SCFD2: variants seen among roughly 807,000 people sequenced by gnomAD.
SCFD2 encodes the protein sec1 family domain containing 2, also known as sec1 family domain-containing protein 2.
A neutral mutation model predicts 58.9 loss-of-function variants in SCFD2; 54 were observed. The observed-to-expected ratio is 0.92, with a 90% CI of 0.74 to 1.15. The LOEUF is 1.15. Ranked by LOEUF, SCFD2 falls within the 50% of genes most tolerant of loss-of-function variation. The probability of loss-of-function intolerance (pLI) is 0.00; values close to 1 mark genes in which losing one functional copy is unlikely to be tolerated. For missense variants in SCFD2, 805 were observed against 836.6 expected (o/e 0.96, Z 0.47); for synonymous variants, 321 against 335.9 (o/e 0.96, Z 0.49).
Position 53,101,087 on chromosome 4 carries a change from G to A in SCFD2, c.1561+44246C>T, listed in dbSNP as rs141067583. Among the ~76,000 whole-genome samples the A allele has an allele frequency of 1.4e-4, 21 of 152,212 alleles. 2 individuals carry two copies. The highest frequency in any genetic ancestry group is 4.6e-4 in the African/African-American group (19 of 41,520). ...GAAGCACTGCAGCTTCCATGGACAGGGAAGAAACTACCAATACTTTCTGTA... is the reference window on the plus strand; with the variant it reads ...GAAGCACTGCAGCTTCCATGGACAGAGAAGAAACTACCAATACTTTCTGTA... On this transcript the variant is annotated intron_variant, in intron 5 of 8. Coordinates refer to ENST00000401642, the MANE Select transcript of SCFD2 (RefSeq NM_152540.4).
rs140719024 is a variant in SCFD2, at chr4:53,213,069, C to T, written c.1311+60757G>A. 3.1e-4 allele frequency among the ~76,000 whole-genome samples: 47 copies of T among 152,086 alleles called. No individual in the cohort carries two copies. In the East Asian group the frequency reaches 4.1e-3, roughly 13 times the overall value. On this transcript the variant is annotated intron_variant, in intron 4 of 8. Coordinates refer to ENST00000401642, the MANE Select transcript of SCFD2 (RefSeq NM_152540.4). The stretch of plus-strand genomic sequence containing the variant: ...TAATGATAAATGAAGTGTGTGTAAA[C>T]GCATCTGGTACACACAAACAATTTC...
chr4:53,023,490 T>C (rs1407340132), intron 5 of SCFD2, among the ~76,000 whole-genome samples: 3 of 152,100 alleles, frequency 2.0e-5, no homozygotes, highest in Non-Finnish European at 4.4e-5. Flanking sequence ...GGTGGGCAGA[T>C]TGCTGTGATA....
rs566550957 is a variant in SCFD2 at position 52,955,608 on chromosome 4, C to T, written c.1562-34738G>A. Among the ~76,000 whole-genome samples, 4 of 152,258 alleles carry T rather than the reference C, an allele frequency of 2.6e-5. No homozygotes were observed. In the South Asian group the frequency reaches 6.2e-4, roughly 24 times the overall value. ...TAAGTAACAGATCTAGAAGTCCAAC[C>T]AAGCAGTTGAACACCAGAGCCTCTG... On this transcript the variant is annotated intron_variant, in intron 5 of 8. Transcript: ENST00000401642.
chr4:53,228,571 C>A (rs148576135), intron 4 of SCFD2, among the ~76,000 whole-genome samples: 3 of 152,230 alleles, frequency 2.0e-5, no homozygotes, highest in African/African-American at 7.2e-5. Context: ...AATTCAACAA[C>A]ACTTCATGCT....
chr4:53,122,123 T>C (rs1230528610), intron 5 of SCFD2, among the ~76,000 whole-genome samples: 1 of 152,132 alleles, frequency 6.6e-6, no homozygotes, highest in Non-Finnish European at 1.5e-5. Flanking sequence ...ATGCCTGTAA[T>C]CCCAGCACTT....
chr4:53,160,462 G>A (rs1726819671), intron 4 of SCFD2, among the ~76,000 whole-genome samples: 1 of 152,180 alleles, frequency 6.6e-6, no homozygotes, highest in South Asian at 2.1e-4. Flanking sequence ...TTTGTTGCTA[G>A]ACTGAATACG....
intron 5 of SCFD2, among the ~76,000 whole-genome samples, chr4:53,122,120 T>C (rs1725495872): frequency 6.6e-6 from 1 of 152,172 alleles, no homozygotes; most frequent in Admixed American, 6.5e-5. Context: ...CTCATGCCTG[T>C]AATCCCAGCA....
intron 4 of SCFD2, among the ~76,000 whole-genome samples, chr4:53,254,379 TGAA>T (rs1459163519): frequency 2.0e-5 from 3 of 152,202 alleles, no homozygotes; most frequent in African/African-American, 7.2e-5. Context: ...TGCCACCCTG[TGAA>T]GAAGATGCCT....
At position 53,104,467 on chromosome 4, in the gene SCFD2, T is replaced by C. The variant is rs919561862; in HGVS notation, c.1561+40866A>G. Among the ~76,000 whole-genome samples, 3 of 152,266 alleles carry C rather than the reference T, an allele frequency of 2.0e-5. 1 individual carries two copies. The highest frequency in any genetic ancestry group is 2.4e-5 in the African/African-American group (1 of 41,552). ...TAACCAAGAGAAGCCAAAGGTGACG[T>C]GATGAGTAAATGTAATATGGCACCC... is the stretch of plus-strand genomic sequence containing the variant. On this transcript the variant is annotated intron_variant, in intron 5 of 8. Coordinates refer to ENST00000401642, the MANE Select transcript of SCFD2 (RefSeq NM_152540.4).
chr4:53,042,274 C>T lies in SCFD2; in HGVS notation c.1561+103059G>A, dbSNP rs921827827. 2.0e-5 allele frequency among the ~76,000 whole-genome samples: 3 copies of T among 152,128 alleles called. 1 individual carries two copies. The highest frequency in any genetic ancestry group is 2.4e-5 in the African/African-American group (1 of 41,488). ...TCATTTCACTGTTTTCAACCATCTGCTATTATAGACATTTATTTCTATGTA... is the reference window on the plus strand; with the variant it reads ...TCATTTCACTGTTTTCAACCATCTGTTATTATAGACATTTATTTCTATGTA... On this transcript the variant is annotated intron_variant, in intron 5 of 8. Coordinates refer to ENST00000401642, the MANE Select transcript of SCFD2 (RefSeq NM_152540.4).
At chr4:53,095,003 G>T (rs1724577188) in intron 5 of SCFD2, among the ~76,000 whole-genome samples, 1 of 152,106 alleles carries the variant, frequency 6.6e-6, no homozygotes, top group East Asian at 1.9e-4. Flanking sequence ...TGGCTTTAAA[G>T]ACACATATTC....
intron 4 of SCFD2, among the ~76,000 whole-genome samples, chr4:53,260,366 C>T (rs183958076): frequency 1.0e-3 from 156 of 152,132 alleles, no homozygotes; most frequent in Non-Finnish European, 1.5e-3. Flanking sequence ...GCAGTGGGTT[C>T]GTCATGGACA....
intron 1 of SCFD2, among the ~76,000 whole-genome samples, chr4:53,363,773 C>G (rs576344787): frequency 6.9e-6 from 1 of 143,994 alleles, no homozygotes; most frequent in East Asian, 2.1e-4. Flanking sequence ...CAGTGAGCCT[C>G]GCGAGATTGC....
intron 5 of SCFD2, among the ~76,000 whole-genome samples, chr4:53,104,034 G>A (rs4629517): frequency 1.3e-5 from 2 of 151,972 alleles, no homozygotes; most frequent in Non-Finnish European, 2.9e-5. Flanking sequence ...ATCTTGTGCA[G>A]AAGAATTCCT....
chr4:52,901,383 G>A (rs184414091), intron 7 of SCFD2, among the ~76,000 whole-genome samples: 11 of 152,320 alleles, frequency 7.2e-5, no homozygotes, highest in African/African-American at 2.4e-4. Flanking sequence ...ATAGAGCACA[G>A]TGCTGTGGAA....
At chr4:52,983,215 G>C (rs1023485115) in intron 5 of SCFD2, among the ~76,000 whole-genome samples, 4 of 152,182 alleles carry the variant, frequency 2.6e-5, no homozygotes, top group African/African-American at 9.7e-5. Flanking sequence ...TACCAGATCT[G>C]ATAAAACCAA....
intron 5 of SCFD2, among the ~76,000 whole-genome samples, chr4:53,057,310 C>T (rs1723372356): frequency 6.6e-6 from 1 of 152,068 alleles, no homozygotes; most frequent in Admixed American, 6.6e-5. Flanking sequence ...ACATATATAC[C>T]ATGGAATACT....
intron 5 of SCFD2, among the ~76,000 whole-genome samples, chr4:53,141,481 C>T (rs1726163797): frequency 6.6e-6 from 1 of 152,078 alleles, no homozygotes; most frequent in African/African-American, 2.4e-5. Flanking sequence ...CGAGTCACTA[C>T]CCACAAGAGC....
At chr4:53,234,335 T>C (rs1729529767) in intron 4 of SCFD2, among the ~76,000 whole-genome samples, 1 of 152,206 alleles carries the variant, frequency 6.6e-6, no homozygotes. Context: ...GCAAAGAACT[T>C]GAGGGAGGAG....
Sources: allele counts gnomAD v4.1 joint callset (sites outside exome capture counted in the v4.1 genomes callset), GRCh38; gene constraint gnomAD v4.1.1; transcripts MANE v1.5; gene names NCBI Gene and HGNC (gene_info 2026-07-23, HGNC 2026-07-21).